Variants in SSBP2 observed in about 807,000 individuals in gnomAD.
The protein encoded by SSBP2 is single stranded DNA binding protein 2, also known as single-stranded DNA-binding protein 2.
SSBP2 carries 17 observed loss-of-function variants against 61.8 expected under a neutral mutation model. The ratio of observed to expected loss-of-function variants is 0.28; its 90% CI spans 0.19 to 0.41. SSBP2 has a LOEUF of 0.41. SSBP2 is among the 10% of genes least tolerant of loss of function. The probability of loss-of-function intolerance (pLI) is 1.00; values close to 1 mark genes in which losing one functional copy is unlikely to be tolerated. For synonymous variants in SSBP2, 139 were observed against 141.3 expected (o/e 0.98, Z 0.12); for missense variants, 310 against 458.7 (o/e 0.68, Z 2.96).
At chr5:81,686,116 A>G (rs540569496) in intron 1 of SSBP2, among the ~76,000 whole-genome samples, 1 of 152,340 alleles carries the variant, frequency 6.6e-6, no homozygotes, top group South Asian at 2.1e-4. Context: ...GAATCCAGAT[A>G]GCCTTACTAT....
intron 1 of SSBP2, among the ~76,000 whole-genome samples, chr5:81,712,856 T>TG (rs1754892675): frequency 6.6e-6 from 1 of 151,814 alleles, no homozygotes; most frequent in Admixed American, 6.6e-5. Context: ...CCGCAGCCTC[T>TG]GGGACTACAG....
intron 4 of SSBP2, among the ~76,000 whole-genome samples, chr5:81,565,912 C>T (rs542313311): frequency 1.5e-3 from 233 of 152,156 alleles, no homozygotes; most frequent in Non-Finnish European, 3.0e-3. Flanking sequence ...ACATGGAGAC[C>T]TCAATTTAAA....
rs1354915960 is a variant in SSBP2 at position 81,712,552 on chromosome 5, G to A, written c.62+38429C>T. On this transcript the variant is annotated intron_variant, in intron 1 of 16. Coordinates refer to ENST00000320672, the MANE Select transcript of SSBP2 (RefSeq NM_012446.5). ...GGAAGCGGAGCTTGCAGTGAGCCGA[G>A]ATTGCGCCACTGCAGTCCGCAGTCC... 2.8e-4 allele frequency among the ~76,000 whole-genome samples: 2 copies of A among 7,060 alleles called. 1 individual carries two copies. Among genetic ancestry groups the A allele is most frequent in the Admixed American group, 7.4e-3 (2 of 272 alleles). The allele number at this position is 7,060 out of a possible 152,430, so 4.6% of individuals were successfully genotyped here.
At chr5:81,479,464 T>C (rs965656017) in intron 6 of SSBP2, among the ~76,000 whole-genome samples, 6 of 152,084 alleles carry the variant, frequency 3.9e-5, no homozygotes, top group African/African-American at 1.4e-4. Flanking sequence ...CTAATTTGTG[T>C]ATTTTTAGTA....
intron 5 of SSBP2, among the ~76,000 whole-genome samples, chr5:81,497,153 AT>A (rs930403986): frequency 7.9e-5 from 12 of 152,300 alleles, no homozygotes; most frequent in African/African-American, 2.9e-4. Flanking sequence ...TTTCTGGAAC[AT>A]TTTTGGTGGA....
At chr5:81,673,230 C>T (rs754105414) in intron 1 of SSBP2, among the ~76,000 whole-genome samples, 1 of 152,190 alleles carries the variant, frequency 6.6e-6, no homozygotes, top group East Asian at 1.9e-4. Flanking sequence ...GACGTCTTGA[C>T]TTCCCTAAGT....
chr5:81,679,894 C>T (rs375939791), intron 1 of SSBP2, among the ~76,000 whole-genome samples: 1 of 151,698 alleles, frequency 6.6e-6, no homozygotes, highest in Non-Finnish European at 1.5e-5. Context: ...AAAAAGATTG[C>T]CCTCACTAAT....
At chr5:81,738,963 G>A (rs1467541100) in intron 1 of SSBP2, among the ~76,000 whole-genome samples, 1 of 151,812 alleles carries the variant, frequency 6.6e-6, no homozygotes, top group African/African-American at 2.4e-5. Flanking sequence ...TCAGGAGTTC[G>A]AGACCAGCCT....
At chr5:81,741,554 A>G (rs1341375319) in intron 1 of SSBP2, among the ~76,000 whole-genome samples, 2 of 152,204 alleles carry the variant, frequency 1.3e-5, no homozygotes, top group Non-Finnish European at 2.9e-5. Flanking sequence ...ATACTGAAAG[A>G]CTTTTCCTCC....
At chr5:81,475,037 G>A (rs897954350) in intron 6 of SSBP2, among the ~76,000 whole-genome samples, 11 of 152,092 alleles carry the variant, frequency 7.2e-5, no homozygotes, top group African/African-American at 2.2e-4. Context: ...ATTATTTAGC[G>A]AAATAACACT....
chr5:81,525,879 A>G (rs1271526327), intron 4 of SSBP2, among the ~76,000 whole-genome samples: 1 of 152,090 alleles, frequency 6.6e-6, no homozygotes, highest in Non-Finnish European at 1.5e-5. Context: ...TTCTGATTGC[A>G]TAAGCACAGC....
intron 1 of SSBP2, among the ~76,000 whole-genome samples, chr5:81,744,533 C>G (rs566128923): frequency 5.9e-4 from 89 of 151,712 alleles, no homozygotes; most frequent in South Asian, 2.5e-3. Flanking sequence ...AGATTTAAAG[C>G]TAATTAAAAA....
At chr5:81,747,552 T>C (rs777415544) in intron 1 of SSBP2, among the ~76,000 whole-genome samples, 4 of 152,118 alleles carry the variant, frequency 2.6e-5, no homozygotes, top group Non-Finnish European at 5.9e-5. Context: ...ATTTCTGAAA[T>C]ACAACTAAGC....
chr5:81,482,890 AATCATTTTTAGCTTCTG>A (rs572643561), intron 6 of SSBP2, among the ~76,000 whole-genome samples: 6 of 152,158 alleles, frequency 3.9e-5, no homozygotes, highest in Non-Finnish European at 8.8e-5. Flanking sequence ...CACTAAATGT[AATCATTTTTAGCTTCTG>A]ATTTAAAGTG....
At chr5:81,663,832 C>A (rs917733888) in intron 1 of SSBP2, among the ~76,000 whole-genome samples, 4 of 152,092 alleles carry the variant, frequency 2.6e-5, no homozygotes, top group African/African-American at 9.7e-5. Flanking sequence ...GGAAAACATC[C>A]AACTTTAGCA....
Position 81,699,789 on chromosome 5 carries a change from T to C in SSBP2, c.63-49450A>G, listed in dbSNP as rs116273649. On this transcript the variant is annotated intron_variant, in intron 1 of 16. Transcript: ENST00000320672. ...GTGAATCCTTCCAGAAAATTTTAAATTTACTTTGCCCAAATTCAACAGAGG... is the reference window on the plus strand; with the variant it reads ...GTGAATCCTTCCAGAAAATTTTAAACTTACTTTGCCCAAATTCAACAGAGG... Among the ~76,000 whole-genome samples, 406 of 152,170 alleles carry C rather than the reference T, an allele frequency of 2.7e-3. 1 individual carries two copies. The highest frequency in any genetic ancestry group is 9.3e-3 in the African/African-American group (386 of 41,524).
At chr5:81,739,388 C>T (rs993466818) in intron 1 of SSBP2, among the ~76,000 whole-genome samples, 1 of 152,152 alleles carries the variant, frequency 6.6e-6, no homozygotes, top group African/African-American at 2.4e-5. Flanking sequence ...TCCACTTTGA[C>T]TAATGCTAGC....
At chr5:81,631,165 T>C (rs1369218941) in intron 3 of SSBP2, among the ~76,000 whole-genome samples, 2 of 152,196 alleles carry the variant, frequency 1.3e-5, no homozygotes, top group African/African-American at 2.4e-5. Context: ...AACAGCATAA[T>C]GATGGTGCTT....
chr5:81,742,401 C>T (rs969056560), intron 1 of SSBP2, among the ~76,000 whole-genome samples: 1 of 152,182 alleles, frequency 6.6e-6, no homozygotes, highest in Admixed American at 6.5e-5. Context: ...CAGCTAGATA[C>T]GGTGATAGAC....
Sources: gnomAD v4.1 joint callset for allele counts (sites outside exome capture counted in the v4.1 genomes callset) on GRCh38, gnomAD v4.1.1 for gene constraint, MANE v1.5 for transcripts, NCBI Gene and HGNC (gene_info 2026-07-23, HGNC 2026-07-21) for gene names.